The following ESRRG variants were observed in gnomAD, a reference collection of about 807,000 sequenced individuals.
The protein encoded by ESRRG is estrogen related receptor gamma.
ESRRG carries 13 observed loss-of-function variants against 44.0 expected under a neutral mutation model. The ratio of observed to expected loss-of-function variants is 0.30; its 90% CI spans 0.19 to 0.47. The LOEUF is 0.47. Ranked by LOEUF, ESRRG falls within the 20% of genes least tolerant of loss-of-function variation. The pLI is 1.00. For missense variants in ESRRG, 395 were observed against 580.6 expected, an observed-to-expected ratio of 0.68 and a Z score of 3.29; for synonymous variants, 215 against 214.6, an observed-to-expected ratio of 1.00 and a Z score of -0.02.
At chr1:216,669,454 C>T (rs796685776) in intron 2 of ESRRG, among the ~76,000 whole-genome samples, 36 of 152,246 alleles carry the variant, frequency 2.4e-4, no homozygotes, top group African/African-American at 8.7e-4. Context: ...AAACACTGAA[C>T]CTAACAATTA....
intron 5 of ESRRG, among the ~76,000 whole-genome samples, chr1:216,525,053 G>A (rs1223448234): frequency 2.6e-5 from 4 of 152,174 alleles, no homozygotes; most frequent in Non-Finnish European, 5.9e-5. Flanking sequence ...CCCCATAGAC[G>A]TGGTGAAATG....
intron 5 of ESRRG, among the ~76,000 whole-genome samples, chr1:216,527,310 AAC>A (rs2047956652): frequency 6.6e-6 from 1 of 152,156 alleles, no homozygotes; most frequent in Admixed American, 6.5e-5. Flanking sequence ...GGTAAATTTT[AAC>A]AGCATCCTTA....
chr1:216,568,150 C>G, intron 3 of ESRRG, 52 bp from the exon 4 acceptor site: 1 of 1,226,446 alleles, frequency 8.2e-7, no homozygotes, highest in Non-Finnish European at 1.2e-6. Flanking sequence ...ATGTTTGAGA[C>G]CAATCAAATA....
intron 5 of ESRRG, 58 bp from the exon 6 acceptor site, chr1:216,519,479 A>C (rs1159019422): frequency 6.7e-7 from 1 of 1,491,388 alleles, no homozygotes; most frequent in African/African-American, 1.4e-5. Flanking sequence ...ATAATGCAAC[A>C]TTAGTTTCAT....
intron 2 of ESRRG, among the ~76,000 whole-genome samples, chr1:216,935,841 T>C (rs1487058468): frequency 3.3e-5 from 5 of 152,082 alleles, no homozygotes; most frequent in African/African-American, 4.8e-5. Flanking sequence ...GGTCTTGAAC[T>C]CCTGACCTCG....
chr1:216,676,287 C>T lies in ESRRG; in HGVS notation c.472+789G>A, dbSNP rs143561687. 3.5e-3 allele frequency among the ~76,000 whole-genome samples: 527 copies of T among 151,938 alleles called. 1 individual carries two copies. The highest frequency in any genetic ancestry group is 0.012 in the African/African-American group (498 of 41,410). ...AGTCCTATTTTTCTACACTGTATGG[C>T]GGAAATAATGTTATTTATAAATCTG... On this transcript the variant is annotated intron_variant, in intron 2 of 6. Coordinates refer to ENST00000408911, the MANE Select transcript of ESRRG (RefSeq NM_001438.4).
intron 3 of ESRRG, among the ~76,000 whole-genome samples, chr1:216,622,635 C>T (rs966291633): frequency 3.9e-5 from 6 of 152,010 alleles, no homozygotes; most frequent in African/African-American, 1.4e-4. Flanking sequence ...CACACACACA[C>T]GCTTCCCATA....
intron 2 of ESRRG, among the ~76,000 whole-genome samples, chr1:216,896,142 T>C (rs2058387835): frequency 6.6e-6 from 1 of 152,156 alleles, no homozygotes; most frequent in Admixed American, 6.6e-5. Flanking sequence ...CCTTTACTCA[T>C]ATCTGGAAAA....
chr1:216,708,285 A>G (rs1237742867), intron 1 of ESRRG, among the ~76,000 whole-genome samples: 1 of 152,164 alleles, frequency 6.6e-6, no homozygotes, highest in East Asian at 1.9e-4. Context: ...AGCCTGGAAT[A>G]TAAAAGATAA....
At chr1:216,675,861 C>G (rs1352894257) in intron 2 of ESRRG, among the ~76,000 whole-genome samples, 2 of 152,196 alleles carry the variant, frequency 1.3e-5, no homozygotes, top group Non-Finnish European at 2.9e-5. Flanking sequence ...TTAAGCATCA[C>G]CTAGGAAGCT....
At chr1:216,513,226 GAA>G (rs1307958958) in intron 6 of ESRRG, among the ~76,000 whole-genome samples, 1 of 152,064 alleles carries the variant, frequency 6.6e-6, no homozygotes, top group Non-Finnish European at 1.5e-5. Flanking sequence ...AAGAGAGAGA[GAA>G]AGAAATTTCT....
At chr1:216,685,145 A>G (rs1473505443) in intron 1 of ESRRG, among the ~76,000 whole-genome samples, 4 of 152,178 alleles carry the variant, frequency 2.6e-5, no homozygotes, top group Non-Finnish European at 4.4e-5. Context: ...TGGGTAGTAC[A>G]TGTCCCAGTC....
chr1:217,079,488 T>C (rs954425791), intron 1 of ESRRG, among the ~76,000 whole-genome samples: 43 of 152,300 alleles, frequency 2.8e-4, no homozygotes, highest in African/African-American at 1.0e-3. Context: ...GGCCACACTA[T>C]TGTTTAGGAA....
At chr1:216,927,277 T>C (rs1053277910) in intron 2 of ESRRG, among the ~76,000 whole-genome samples, 16 of 152,180 alleles carry the variant, frequency 1.1e-4, no homozygotes, top group African/African-American at 3.9e-4. Context: ...CCTGGGGCAA[T>C]GTTCCTTTTT....
chr1:216,671,358 C>A (rs900760226), intron 2 of ESRRG, among the ~76,000 whole-genome samples: 1 of 152,128 alleles, frequency 6.6e-6, no homozygotes. Flanking sequence ...TGAGAAATGG[C>A]TACAGGGAGA....
intron 2 of ESRRG, among the ~76,000 whole-genome samples, chr1:216,889,144 C>A (rs1191082997): frequency 1.3e-5 from 2 of 152,134 alleles, no homozygotes; most frequent in East Asian, 3.9e-4. Context: ...TGTTTCCCTG[C>A]GAATGTAATA....
At chr1:217,035,970 A>C (rs552700337) in intron 1 of ESRRG, among the ~76,000 whole-genome samples, 32 of 152,248 alleles carry the variant, frequency 2.1e-4, no homozygotes, top group Non-Finnish European at 4.4e-4. Flanking sequence ...ACAAGAAGAA[A>C]AAACCAACCT....
intron 2 of ESRRG, among the ~76,000 whole-genome samples, chr1:216,735,644 A>G (rs2089726979): frequency 6.6e-6 from 1 of 152,144 alleles, no homozygotes; most frequent in African/African-American, 2.4e-5. Flanking sequence ...AAATAAATCT[A>G]CATACTTATG....
At chr1:217,104,316 T>C (rs528077108) in intron 1 of ESRRG, among the ~76,000 whole-genome samples, 2 of 152,322 alleles carry the variant, frequency 1.3e-5, no homozygotes, top group East Asian at 3.9e-4. Flanking sequence ...TGGAAGCTAC[T>C]GTTTAAAACA....
Sources: gnomAD v4.1 joint callset for allele counts (sites outside exome capture counted in the v4.1 genomes callset) on GRCh38, gnomAD v4.1.1 for gene constraint, MANE v1.5 for transcripts, NCBI Gene and HGNC (gene_info 2026-07-23, HGNC 2026-07-21) for gene names.